Variants in NEGR1 observed in about 807,000 individuals in gnomAD.
The protein encoded by NEGR1 is IgLON family member 4.
NEGR1 carries 10 observed loss-of-function variants against 40.9 expected under a neutral mutation model. The ratio of observed to expected loss-of-function variants is 0.24; its 90% confidence interval spans 0.15 to 0.42. The LOEUF is 0.42. Ranked by LOEUF, NEGR1 falls within the 10% of genes least tolerant of loss-of-function variation. NEGR1 has a pLI of 1.00. For missense variants in NEGR1, 352 were observed against 438.9 expected (o/e 0.80, Z 1.77); for synonymous variants, 185 against 166.8 (o/e 1.11, Z -0.84).
At chr1:72,046,027 A>G (rs1646998964) in intron 1 of NEGR1, among the ~76,000 whole-genome samples, 1 of 151,784 alleles carries the variant, frequency 6.6e-6, no homozygotes, top group Non-Finnish European at 1.5e-5. Context: ...AATGGAAAAT[A>G]TAATCATCTA....
At chr1:72,006,792 A>G (rs1440336003) in intron 1 of NEGR1, among the ~76,000 whole-genome samples, 2 of 152,196 alleles carry the variant, frequency 1.3e-5, no homozygotes, top group East Asian at 3.8e-4. Context: ...TCTTGCAAAG[A>G]CAAGGTTAGA....
intron 1 of NEGR1, among the ~76,000 whole-genome samples, chr1:71,993,399 T>C (rs538316632): frequency 1.3e-5 from 2 of 152,268 alleles, no homozygotes; most frequent in East Asian, 1.9e-4. Context: ...AGGTAAGCCA[T>C]TTACACTCTC....
intron 4 of NEGR1, among the ~76,000 whole-genome samples, chr1:71,669,530 T>C (rs1051102493): frequency 2.0e-5 from 3 of 152,232 alleles, no homozygotes; most frequent in African/African-American, 7.2e-5. Context: ...CTTGCAGCCT[T>C]GAATTACTGA....
intron 6 of NEGR1, among the ~76,000 whole-genome samples, chr1:71,481,224 G>C (rs1037747985): frequency 2.0e-5 from 3 of 151,724 alleles, no homozygotes; most frequent in African/African-American, 7.3e-5. Context: ...CCTTCCTCCA[G>C]AAGCTCCCCA....
At chr1:71,680,868 T>G (rs1365361823) in intron 4 of NEGR1, among the ~76,000 whole-genome samples, 1 of 152,232 alleles carries the variant, frequency 6.6e-6, no homozygotes, top group Non-Finnish European at 1.5e-5. Context: ...TATGGCTTCC[T>G]TTTGCCAGAA....
At chr1:71,461,032 T>C (rs1646710999) in intron 6 of NEGR1, among the ~76,000 whole-genome samples, 1 of 152,194 alleles carries the variant, frequency 6.6e-6, no homozygotes, top group African/African-American at 2.4e-5. Context: ...TTGTCATGTA[T>C]GGTGAACTTT....
intron 4 of NEGR1, among the ~76,000 whole-genome samples, chr1:71,687,111 T>C (rs1211971885): frequency 2.6e-5 from 4 of 152,210 alleles, no homozygotes; most frequent in Non-Finnish European, 5.9e-5. Flanking sequence ...GAAAAATTAA[T>C]ATGCATTAGG....
chr1:71,552,946 AT>A (rs1220607296), intron 6 of NEGR1, among the ~76,000 whole-genome samples: 1 of 151,550 alleles, frequency 6.6e-6, no homozygotes, highest in African/African-American at 2.4e-5. Context: ...TGACCTAAAT[AT>A]AGGGACATAT....
intron 1 of NEGR1, among the ~76,000 whole-genome samples, chr1:72,122,319 T>C (rs1269633174): frequency 1.3e-5 from 2 of 151,986 alleles, no homozygotes; most frequent in African/African-American, 4.8e-5. Context: ...AACAGGAAGC[T>C]TCATCGAGTG....
chr1:72,021,330 T>C (rs1014105689), intron 1 of NEGR1, among the ~76,000 whole-genome samples: 1 of 152,104 alleles, frequency 6.6e-6, no homozygotes, highest in African/African-American at 2.4e-5. Context: ...AGAGACTGAA[T>C]ATTCACGCAC....
intron 4 of NEGR1, among the ~76,000 whole-genome samples, chr1:71,643,868 T>G (rs1368178251): frequency 1.3e-5 from 2 of 152,032 alleles, no homozygotes; most frequent in Non-Finnish European, 2.9e-5. Context: ...CTATGGATTT[T>G]GCAAAAACTG....
intron 6 of NEGR1, among the ~76,000 whole-genome samples, chr1:71,585,794 T>C (rs1003471930): frequency 2.7e-5 from 4 of 149,906 alleles, no homozygotes; most frequent in African/African-American, 7.4e-5. Flanking sequence ...ATGATATACA[T>C]AGTGCATTAA....
chr1:71,796,470 C>T (rs923533209), intron 2 of NEGR1, among the ~76,000 whole-genome samples: 3 of 152,144 alleles, frequency 2.0e-5, no homozygotes, highest in East Asian at 3.9e-4. Context: ...TCATCAAATT[C>T]AAATAATCTA....
At chr1:71,965,768 T>C (rs547434122) in intron 1 of NEGR1, among the ~76,000 whole-genome samples, 3 of 152,284 alleles carry the variant, frequency 2.0e-5, no homozygotes, top group African/African-American at 7.2e-5. Context: ...GAAATGAATA[T>C]GAACTCAGAT....
chr1:72,161,676 C>CTTTTTTTT (rs779074685), intron 1 of NEGR1, among the ~76,000 whole-genome samples: 195 of 84,516 alleles, frequency 2.3e-3, no homozygotes, highest in Middle Eastern at 8.2e-3. Flanking sequence ...TTCTTTCTTT[C>CTTTTTTTT]TTTTTTTTTT....
At chr1:72,041,383 T>C (rs1646952552) in intron 1 of NEGR1, among the ~76,000 whole-genome samples, 1 of 151,484 alleles carries the variant, frequency 6.6e-6, no homozygotes, top group Non-Finnish European at 1.5e-5. Context: ...GATTTTACAC[T>C]TTTAAAAATA....
intron 6 of NEGR1, among the ~76,000 whole-genome samples, chr1:71,512,834 C>A (rs1386055428): frequency 6.6e-6 from 1 of 152,148 alleles, no homozygotes; most frequent in Non-Finnish European, 1.5e-5. Context: ...CCCGCCTTGG[C>A]CTCCCAAAGT....
intron 3 of NEGR1, among the ~76,000 whole-genome samples, chr1:71,716,215 G>A (rs974395324): frequency 2.6e-5 from 4 of 151,950 alleles, no homozygotes; most frequent in African/African-American, 9.7e-5. Flanking sequence ...AATAGCATGG[G>A]GGAAGCTACC....
intron 2 of NEGR1, among the ~76,000 whole-genome samples, chr1:71,832,944 T>C (rs796438560): frequency 1.1e-4 from 17 of 152,132 alleles, no homozygotes; most frequent in African/African-American, 3.9e-4. Flanking sequence ...CATCTAGCTA[T>C]CTATATATTT....
Sources: gnomAD v4.1 joint callset for allele counts (sites outside exome capture counted in the v4.1 genomes callset) on GRCh38, gnomAD v4.1.1 for gene constraint, MANE v1.5 for transcripts, NCBI Gene and HGNC (gene_info 2026-07-23, HGNC 2026-07-21) for gene names.